Variants in SEMA6D observed in about 807,000 individuals in gnomAD.
The protein encoded by SEMA6D is semaphorin-6D.
SEMA6D carries 35 observed loss-of-function variants against 106.6 expected under a neutral mutation model. The ratio of observed to expected loss-of-function variants is 0.33; its 90% CI spans 0.25 to 0.44. The LOEUF (loss-of-function observed/expected upper bound fraction) is 0.44, where lower values mean the gene tolerates loss of function less well. Among genes scored for constraint, SEMA6D ranks in the 20% least tolerant of loss-of-function variants. The pLI, the probability that SEMA6D is intolerant of heterozygous loss-of-function variation, is 1.00. For synonymous variants in SEMA6D, 499 were observed against 487.7 expected, an observed-to-expected ratio of 1.02 and a Z score of -0.31; for missense variants, 1,185 against 1,345.9, an observed-to-expected ratio of 0.88 and a Z score of 1.87.
chr15:47,396,685 T>C (rs1309904500), intron 1 of SEMA6D: 1 of 152,184 alleles, frequency 6.6e-6, no homozygotes, highest in Admixed American at 6.6e-5. Context: ...AGATTGAGGG[T>C]GGATCTGCAG....
intron 3 of SEMA6D, among the ~76,000 whole-genome samples, chr15:47,496,016 C>CT (rs572375049): frequency 6.6e-6 from 1 of 152,068 alleles, no homozygotes; most frequent in Non-Finnish European, 1.5e-5. Flanking sequence ...AGGAAATTCT[C>CT]TAAGGGAGAC....
chr15:47,745,393 C>A (rs545715275), intron 1 of SEMA6D, among the ~76,000 whole-genome samples: 2 of 152,340 alleles, frequency 1.3e-5, no homozygotes, highest in African/African-American at 4.8e-5. Context: ...TCACTGGTTG[C>A]GCAGCAAAGC....
chr15:47,759,169 T>C (rs1179575777), intron 1 of SEMA6D, among the ~76,000 whole-genome samples: 1 of 152,100 alleles, frequency 6.6e-6, no homozygotes, highest in Admixed American at 6.5e-5. Flanking sequence ...CGTGTCATTG[T>C]CTCCACGTTG....
chr15:47,762,922 T>C (rs3743276), intron 8 of SEMA6D, 94 bp from the exon 9 acceptor site: 328,394 of 877,412 alleles, frequency 0.37, 65,539 homozygotes, highest in East Asian at 0.66. Flanking sequence ...TTGAATGTAA[T>C]TGTGCAACAT....
intron 4 of SEMA6D, among the ~76,000 whole-genome samples, chr15:47,703,190 C>T (rs1205539388): frequency 2.6e-5 from 4 of 152,232 alleles, no homozygotes; most frequent in African/African-American, 9.6e-5. Context: ...AGCAGGTGTA[C>T]ATGTTGTTAA....
At chr15:47,480,358 C>G (rs560695438) in intron 3 of SEMA6D, among the ~76,000 whole-genome samples, 12 of 152,192 alleles carry the variant, frequency 7.9e-5, no homozygotes, top group African/African-American at 2.9e-4. Flanking sequence ...TTCAATGGTT[C>G]TCCATGGTCG....
At chr15:47,439,115 GAAGT>G in intron 2 of SEMA6D, among the ~76,000 whole-genome samples, 1 of 152,216 alleles carries the variant, frequency 6.6e-6, no homozygotes, top group Middle Eastern at 3.4e-3. Context: ...TTTGTGCAAT[GAAGT>G]AAGAAGGGAA....
rs551582806 is a variant in SEMA6D, at chr15:47,624,529, G to A, written c.-55+23633G>A. On this transcript the variant is annotated intron_variant, in intron 4 of 19. Coordinates refer to the SEMA6D transcript ENST00000558014. ...TTCTAGATATGGGGAAAAATAGAAA[G>A]TGTTCTTGAAAGATTAGAAAATGAT... 1.2e-4 allele frequency among the ~76,000 whole-genome samples: 16 copies of A among 138,098 alleles called. No individual in the cohort carries two copies. In the East Asian group the frequency reaches 3.4e-3, roughly 29 times the overall value. 90.6% of individuals were successfully genotyped at this position (138,098 alleles called of 152,430 possible). A position where few individuals can be genotyped will look rare whatever the true frequency, so the allele number is the denominator to read the frequency against.
intron 1 of SEMA6D, among the ~76,000 whole-genome samples, chr15:47,756,827 A>C (rs1190906760): frequency 6.7e-6 from 1 of 149,464 alleles, no homozygotes; most frequent in African/African-American, 2.5e-5. Flanking sequence ...TCCCTCCCCC[A>C]CCCAGCTTTT....
chr15:47,184,708 G>T (rs1410382066), intron 1 of SEMA6D, among the ~76,000 whole-genome samples: 1 of 152,200 alleles, frequency 6.6e-6, no homozygotes, highest in Non-Finnish European at 1.5e-5. Context: ...AGGCCGGGGG[G>T]AGGGAGCGGA....
intron 1 of SEMA6D, among the ~76,000 whole-genome samples, chr15:47,403,319 C>T (rs936531932): frequency 6.6e-6 from 1 of 152,100 alleles, no homozygotes; most frequent in Non-Finnish European, 1.5e-5. Flanking sequence ...GGAGAAGACC[C>T]CAGCAATGAC....
intron 1 of SEMA6D, among the ~76,000 whole-genome samples, chr15:47,263,213 A>G (rs1305604681): frequency 6.6e-6 from 1 of 152,186 alleles, no homozygotes; most frequent in Non-Finnish European, 1.5e-5. Context: ...TAATTAAACT[A>G]AACAGCCTCT....
chr15:47,300,980 A>T (rs533434438), intron 1 of SEMA6D, among the ~76,000 whole-genome samples: 25 of 152,338 alleles, frequency 1.6e-4, no homozygotes, highest in African/African-American at 5.8e-4. Flanking sequence ...TGGAAATGAC[A>T]TGCTACTCAC....
At chr15:47,719,147 G>A (rs2079267897) in intron 1 of SEMA6D, among the ~76,000 whole-genome samples, 1 of 151,646 alleles carries the variant, frequency 6.6e-6, no homozygotes, top group South Asian at 2.1e-4. Flanking sequence ...ATGTCAGGGA[G>A]CTGGCGGGGG....
chr15:47,259,280 A>G (rs1192765568), intron 1 of SEMA6D, among the ~76,000 whole-genome samples: 8 of 152,200 alleles, frequency 5.3e-5, no homozygotes, highest in Non-Finnish European at 1.2e-4. Context: ...CAATGCTGCA[A>G]GATACCTTTA....
intron 4 of SEMA6D, among the ~76,000 whole-genome samples, chr15:47,657,715 A>ATTCCTTTTTT (rs2077824995): frequency 2.2e-5 from 1 of 44,786 alleles, no homozygotes; most frequent in African/African-American, 1.1e-4. Context: ...AGAGGGCTTC[A>ATTCCTTTTTT]TTTCTTTTTT....
chr15:47,663,336 G>A (rs2077964798), intron 4 of SEMA6D, among the ~76,000 whole-genome samples: 1 of 152,182 alleles, frequency 6.6e-6, no homozygotes, highest in Admixed American at 6.5e-5. Flanking sequence ...CTTGAAATGT[G>A]TAATTCCTTT....
chr15:47,385,124 A>T (rs1177347098), intron 1 of SEMA6D, among the ~76,000 whole-genome samples: 1 of 148,558 alleles, frequency 6.7e-6, no homozygotes, highest in African/African-American at 2.5e-5. Flanking sequence ...TTCATAACTC[A>T]TGCAAATATT....
intron 1 of SEMA6D, among the ~76,000 whole-genome samples, chr15:47,351,900 A>C (rs536338760): frequency 6.6e-6 from 1 of 152,342 alleles, no homozygotes; most frequent in African/African-American, 2.4e-5. Flanking sequence ...CATCCAAATA[A>C]AATGGAAAAT....
Sources: allele counts gnomAD v4.1 joint callset (sites outside exome capture counted in the v4.1 genomes callset), GRCh38; gene constraint gnomAD v4.1.1; transcripts MANE v1.5; gene names NCBI Gene and HGNC (gene_info 2026-07-23, HGNC 2026-07-21).